The following GTF3C1 variants were observed in gnomAD, a reference collection of about 807,000 sequenced individuals.
The protein encoded by GTF3C1 is general transcription factor 3C polypeptide 1.
In GTF3C1, 57 loss-of-function variants were observed where a neutral mutation model predicts 226.7. The observed-to-expected ratio is 0.25, with a 90% CI of 0.20 to 0.31. The LOEUF (loss-of-function observed/expected upper bound fraction) is 0.31, where lower values mean the gene tolerates loss of function less well. Ranked by LOEUF, GTF3C1 falls within the 10% of genes least tolerant of loss-of-function variation. The pLI is 1.00. For synonymous variants in GTF3C1, 1,090 were observed against 1,084.8 expected, an observed-to-expected ratio of 1.00 and a Z score of -0.09; for missense variants, 2,217 against 2,776.1, an observed-to-expected ratio of 0.80 and a Z score of 4.53.
intron 26 of GTF3C1, chr16:27,482,466 C>T (rs768190421): frequency 2.9e-5 from 13 of 455,996 alleles, no homozygotes; most frequent in South Asian, 6.2e-5. Flanking sequence ...GAGCTGACTA[C>T]ACTGTCCTGC....
rs201460049 is a variant in GTF3C1, at chr16:27,461,494, A to G, written c.6186T>C (p.Ser2062=). Reference sequence around the variant, plus strand: ...CTTCCACCTCTTCCACCACGGGTGTAGAGAAGAGCGAGACAGGCCTTGGCT... The same window carrying G: ...CTTCCACCTCTTCCACCACGGGTGTGGAGAAGAGCGAGACAGGCCTTGGCT... ...LRKPRPVSLF[S]TPVVEEVEVP... is the part of the protein sequence containing the mutation. The change falls in exon 37 of 37, where the codon TCT becomes TCC. Residue 2062 remains serine (S), a synonymous_variant. Coordinates refer to ENST00000356183, the MANE Select transcript of GTF3C1 (RefSeq NM_001520.4). This position sits in a 1 kb window ranked among gnomAD's most constrained non-coding sequence, Gnocchi z 5.3. The G allele has an allele frequency of 2.2e-5, 36 of 1,613,948 alleles. 1 individual carries two copies. In the East Asian group the frequency reaches 6.0e-4, roughly 27 times the overall value.
At chr16:27,524,694 A>T (rs1048748120) in intron 6 of GTF3C1, among the ~76,000 whole-genome samples, 12 of 152,250 alleles carry the variant, frequency 7.9e-5, no homozygotes, top group Admixed American at 3.3e-4. Context: ...CTAGCAAAAA[A>T]GGTTCTTTAA....
At chr16:27,520,352 T>C (rs535441768) in intron 6 of GTF3C1, among the ~76,000 whole-genome samples, 1 of 152,242 alleles carries the variant, frequency 6.6e-6, no homozygotes, top group Admixed American at 6.5e-5. Flanking sequence ...TGACCTCAAA[T>C]GATCCACCTG....
At chr16:27,491,729 G>C (rs965555206) in intron 19 of GTF3C1, among the ~76,000 whole-genome samples, 1 of 134,412 alleles carries the variant, frequency 7.4e-6, no homozygotes, top group Non-Finnish European at 1.6e-5. Context: ...ACTGTCACCA[G>C]TGGACGGCCA....
intron 1 of GTF3C1, among the ~76,000 whole-genome samples, chr16:27,548,349 C>A (rs901559753): frequency 2.0e-5 from 3 of 152,194 alleles, no homozygotes; most frequent in African/African-American, 7.2e-5. Flanking sequence ...CTCACTGAAA[C>A]CTCTGTCTCC....
rs540757833 is a variant in GTF3C1 at position 27,469,860 on chromosome 16, C to G, written c.4814+248G>C. Among the ~76,000 whole-genome samples the G allele has an allele frequency of 2.0e-5, 3 of 152,312 alleles. No homozygotes were observed. In the East Asian group the frequency reaches 5.8e-4, roughly 29 times the overall value. On this transcript the variant is annotated intron_variant, in intron 31 of 36. Coordinates refer to ENST00000356183, the MANE Select transcript of GTF3C1 (RefSeq NM_001520.4). The surrounding 1 kb of genome is among the most constrained non-coding windows in gnomAD (Gnocchi z 4.5). ...AGTTCTGTTGCGAGGCCCTCAGGAA[C>G]AGTCCTCCCTTCTCTTCCCTGCCCC...
chr16:27,546,040 G>A (rs2089157109), intron 1 of GTF3C1, among the ~76,000 whole-genome samples: 2 of 152,024 alleles, frequency 1.3e-5, no homozygotes, highest in Admixed American at 6.6e-5. Context: ...TAGAGATGAC[G>A]GTTCACCATG....
rs111846300 is a variant in GTF3C1, at chr16:27,463,748, G to A, written c.5873-156C>T. Reference sequence around the variant, plus strand: ...AGGACAATGAGCATCTCACAGAGCGGCCACCCTGGAGGTGGCAGGGCCGGG... The same window carrying A: ...AGGACAATGAGCATCTCACAGAGCGACCACCCTGGAGGTGGCAGGGCCGGG... On this transcript the variant is annotated intron_variant, in intron 34 of 36. Transcript: ENST00000356183. The surrounding 1 kb of genome is among the most constrained non-coding windows in gnomAD (Gnocchi z 4.9). 3 of 676,742 alleles carry A rather than the reference G, an allele frequency of 4.4e-6. No individual in the cohort carries two copies. The highest frequency in any genetic ancestry group is 8.0e-6 in the Non-Finnish European group (3 of 377,194). The allele number at this position is 676,742 out of a possible 1,614,324, so 41.9% of individuals were successfully genotyped here.
intron 2 of GTF3C1, among the ~76,000 whole-genome samples, chr16:27,542,159 C>T (rs1460511949): frequency 1.3e-5 from 2 of 152,196 alleles, no homozygotes; most frequent in Non-Finnish European, 2.9e-5. Context: ...ACGTTTATGG[C>T]TTGTACAGCC....
chr16:27,478,368 A>G (rs2087984825), intron 28 of GTF3C1, 101 bp downstream of exon 28: 1 of 818,756 alleles, frequency 1.2e-6, no homozygotes, highest in South Asian at 1.4e-5. Context: ...ACAAACAGGT[A>G]GTGGGCTGGA....
In GTF3C1 at chr16:27,533,334, C is replaced by T. The variant is rs201305267; in HGVS notation, c.806G>A (p.Arg269Gln). The change falls in exon 5 of 37, where the codon CGG (arginine) becomes CAG (glutamine). Residue 269 changes from arginine to glutamine, a missense_variant. Around this residue, in one of 12 missense-constraint regions of GTF3C1, gnomAD observed 163 missense variants for 234.3 expected, o/e 0.70. Transcript: ENST00000356183. ...MEKLSVMLST[R>Q]TNHIETLGKL... ...TCCCAGCGTCTCTATGTGGTTAGTCCGTGTGCTCAGCATGACCGAAAGCTT... is the reference window on the plus strand; with the variant it reads ...TCCCAGCGTCTCTATGTGGTTAGTCTGTGTGCTCAGCATGACCGAAAGCTT... 504 of 1,608,610 alleles carry T rather than the reference C, an allele frequency of 3.1e-4. 1 individual carries two copies. The highest frequency in any genetic ancestry group is 4.1e-4 in the Non-Finnish European group (477 of 1,175,140).
At chr16:27,544,918 C>T (rs939674128) in intron 2 of GTF3C1, among the ~76,000 whole-genome samples, 1 of 152,060 alleles carries the variant, frequency 6.6e-6, no homozygotes, top group Non-Finnish European at 1.5e-5. Context: ...TGGGCCAGAT[C>T]CAAGTGCTCT....
At chr16:27,539,114 G>C (rs116415119) in intron 2 of GTF3C1, among the ~76,000 whole-genome samples, 3 of 149,486 alleles carry the variant, frequency 2.0e-5, no homozygotes, top group Non-Finnish European at 4.4e-5. Flanking sequence ...TGCGCAGAAT[G>C]AATTTGGGTG....
rs376559596 is a variant in GTF3C1, at chr16:27,508,666, C to A, written c.1127-11G>T. ...TGCCTCTGCGCTCAACTGTGAGAAA[C>A]AATACACGTGAACCCAAACCGCTGC... On this transcript the variant is annotated splice_polypyrimidine_tract_variant and intron_variant, in intron 7 of 36. Coordinates refer to ENST00000356183, the MANE Select transcript of GTF3C1 (RefSeq NM_001520.4). 3.2e-5 allele frequency: 52 copies of A among 1,601,848 alleles called. No individual in the cohort carries two copies. The highest frequency in any genetic ancestry group is 4.4e-5 in the Non-Finnish European group (51 of 1,168,976).
At chr16:27,528,398 G>T (rs1221037035) in intron 6 of GTF3C1, among the ~76,000 whole-genome samples, 200 bp downstream of exon 6, 2 of 152,182 alleles carry the variant, frequency 1.3e-5, no homozygotes, top group African/African-American at 4.8e-5. Context: ...GATGTTTGCT[G>T]GAAGTTTGTT....
chr16:27,548,195 T>A (rs1300353045), intron 1 of GTF3C1, among the ~76,000 whole-genome samples: 1 of 152,248 alleles, frequency 6.6e-6, no homozygotes, highest in Non-Finnish European at 1.5e-5. Context: ...ACTTCACATT[T>A]GCTGTTCTCT....
At chr16:27,512,103 T>C (rs908169605) in intron 6 of GTF3C1, among the ~76,000 whole-genome samples, 1 of 152,218 alleles carries the variant, frequency 6.6e-6, no homozygotes, top group Non-Finnish European at 1.5e-5. Flanking sequence ...AGCTGCTTTT[T>C]GTTTTTAGAA....
intron 4 of GTF3C1, among the ~76,000 whole-genome samples, chr16:27,535,137 G>A (rs1463317699): frequency 6.6e-6 from 1 of 152,174 alleles, no homozygotes; most frequent in Non-Finnish European, 1.5e-5. Flanking sequence ...TGGAGGAAAT[G>A]TAAACAAACA....
At position 27,469,315 on chromosome 16, in the gene GTF3C1, C is replaced by A. The variant is rs558755429; in HGVS notation, c.5050G>T (p.Val1684Leu). 16 of 1,575,696 alleles carry A rather than the reference C, an allele frequency of 1.0e-5. No homozygotes were observed. The highest frequency in any genetic ancestry group is 1.4e-5 in the Non-Finnish European group (16 of 1,159,918). The change falls in exon 32 of 37, where the codon GTG becomes TTG. Residue 1684 changes from valine to leucine, a missense_variant. By Grantham distance (32) the Val-to-Leu change is conservative. This residue lies in a region of GTF3C1 where 455 missense variants were observed against 441.9 expected (regional missense o/e 1.03). Transcript: ENST00000356183. The surrounding 1 kb of genome is among the most constrained non-coding windows in gnomAD (Gnocchi z 4.5). ...QMKFQLRCTP[V>L]PARLRPAAAP... ...CCAGCGGGCCTGAGCCGGGCGGGCACAGGGGTGCAGCGGAGCTGGAACTTC... is the reference window on the plus strand; with the variant it reads ...CCAGCGGGCCTGAGCCGGGCGGGCAAAGGGGTGCAGCGGAGCTGGAACTTC...
Sources: allele counts gnomAD v4.1 joint callset (sites outside exome capture counted in the v4.1 genomes callset), GRCh38; gene constraint gnomAD v4.1.1; regional missense constraint gnomAD v4.1.1; non-coding constraint Gnocchi (gnomAD v3.1); transcripts MANE v1.5; gene names NCBI Gene and HGNC (gene_info 2026-07-23, HGNC 2026-07-21).